Variants in FRMD7 observed in about 807,000 individuals in gnomAD.
The protein encoded by FRMD7 is FERM domain-containing protein 7.
Under a neutral mutation model 44.1 loss-of-function variants are expected in FRMD7, and 14 were observed. The observed-to-expected ratio is 0.32, with a 90% CI of 0.21 to 0.50. The LOEUF is 0.50. Ranked by LOEUF, FRMD7 falls within the 20% of genes least tolerant of loss-of-function variation. The pLI, the probability that FRMD7 is intolerant of heterozygous loss-of-function variation, is 0.99. For synonymous variants in FRMD7, 212 were observed against 187.4 expected (o/e 1.13, Z -1.07); for missense variants, 501 against 522.3 (o/e 0.96, Z 0.40).
At chrX:132,105,219 AGAAAAG>A (rs1465528210) in intron 1 of FRMD7, among the ~76,000 whole-genome samples, 1 of 112,025 alleles carries the variant, frequency 8.9e-6, no homozygotes, top group Non-Finnish European at 1.9e-5. Flanking sequence ...TCCATACTAA[AGAAAAG>A]GTCTTGACCC....
intron 1 of FRMD7, among the ~76,000 whole-genome samples, chrX:132,109,865 G>A (rs1224267766): frequency 9.0e-6 from 1 of 111,367 alleles, no homozygotes; most frequent in Non-Finnish European, 1.9e-5. Context: ...GAAACTGCAA[G>A]CAGTTTGGTG....
At chrX:132,118,189 T>G (rs1202977567) in intron 1 of FRMD7, among the ~76,000 whole-genome samples, 1 of 111,149 alleles carries the variant, frequency 9.0e-6, no homozygotes, top group African/African-American at 3.3e-5. Flanking sequence ...CGCATCTACT[T>G]TTAATTCCTG....
Position 132,078,741 on chromosome X carries a change from C to T in FRMD7, c.1276G>A (p.Glu426Lys). The T allele has an allele frequency of 3.3e-6, 4 of 1,210,179 alleles. No individual in the cohort carries two copies. The highest frequency in any genetic ancestry group is 4.5e-6 in the Non-Finnish European group (4 of 894,256). Reference sequence around the variant, plus strand: ...CTGGGATCAGGGTTAGGATTGGGCTCAGTGTTAAAGACAGGGTCCATATAA... The same window carrying T: ...CTGGGATCAGGGTTAGGATTGGGCTTAGTGTTAAAGACAGGGTCCATATAA... ...FIYMDPVFNTEPNPNPDPRDI... is the reference protein window; with the variant it reads ...FIYMDPVFNTKPNPNPDPRDI... The change falls in exon 12 of 12, where the codon GAG becomes AAG. Residue 426 changes from glutamate to lysine, a missense_variant. By Grantham distance (56) the Glu-to-Lys change is moderately conservative (BLOSUM62 1). This residue lies in a region of FRMD7 where 453 missense variants were observed against 452.7 expected (regional missense o/e 1.00). Transcript: ENST00000298542.
intron 1 of FRMD7, among the ~76,000 whole-genome samples, chrX:132,104,095 A>G (rs1928581414): frequency 8.9e-6 from 1 of 112,105 alleles, no homozygotes; most frequent in Admixed American, 9.4e-5. Flanking sequence ...TGTGAGGGTT[A>G]AATAAAATAA....
At chrX:132,107,744 C>T (rs1369124118) in intron 1 of FRMD7, among the ~76,000 whole-genome samples, 1 of 111,108 alleles carries the variant, frequency 9.0e-6, no homozygotes, top group African/African-American at 3.3e-5. Context: ...TAAATAAAGT[C>T]ACACTGAGGG....
At chrX:132,103,923 A>T (rs1353093862) in intron 1 of FRMD7, among the ~76,000 whole-genome samples, 1 of 111,730 alleles carries the variant, frequency 9.0e-6, no homozygotes, top group African/African-American at 3.3e-5. Flanking sequence ...GGATAAATGG[A>T]CCCAGACATT....
intron 1 of FRMD7, among the ~76,000 whole-genome samples, chrX:132,112,441 A>G (rs1220004595): frequency 1.8e-5 from 2 of 111,852 alleles, no homozygotes; most frequent in African/African-American, 6.5e-5. Context: ...GGACTCAGCA[A>G]TAAACCCTGG....
At position 132,084,561 on chromosome X, in the gene FRMD7, T is replaced by C. The variant is rs1442888853; in HGVS notation, c.670A>G (p.Asn224Asp). The C allele has an allele frequency of 8.6e-7, 1 of 1,160,792 alleles. No homozygotes were observed. The highest frequency in any genetic ancestry group is 1.2e-6 in the Non-Finnish European group (1 of 848,850). Reference protein sequence around the residue: ...LRGNTKINTFNWAKIRKLSFK... With the variant: ...LRGNTKINTFDWAKIRKLSFK... ...CTCAACTTGCGGATTTTAGCCCAGT[T>C]AAAAGTATTGATCTTTGTATTTCCC... Residue 224 changes from asparagine (N) to aspartate (D), a missense_variant, in exon 8 of 12, where the codon AAC becomes GAC. Physicochemically the swap from Asn to Asp is conservative, Grantham distance 23. Around this residue, in one of 3 missense-constraint regions of FRMD7, gnomAD observed 453 missense variants for 452.7 expected, o/e 1.00. Transcript: ENST00000298542.
intron 1 of FRMD7, among the ~76,000 whole-genome samples, chrX:132,118,238 A>G (rs1392383957): frequency 9.0e-6 from 1 of 111,100 alleles, no homozygotes; most frequent in East Asian, 2.8e-4. Context: ...CCTTGAGCTC[A>G]TATTTAACCT....
At chrX:132,089,882 T>A (rs1165214124) in intron 5 of FRMD7, among the ~76,000 whole-genome samples, 1 of 112,342 alleles carries the variant, frequency 8.9e-6, no homozygotes, top group Non-Finnish European at 1.9e-5. Context: ...ATTTCTAATG[T>A]TATTGTAACA....
chrX:132,126,430 G>A (rs766226139), intron 1 of FRMD7, among the ~76,000 whole-genome samples: 1 of 111,653 alleles, frequency 9.0e-6, no homozygotes, highest in South Asian at 3.8e-4. Context: ...TGGCTCTTCC[G>A]TAGGTGAATT....
intron 1 of FRMD7, among the ~76,000 whole-genome samples, chrX:132,107,611 G>C (rs6637941): frequency 2.0e-5 from 2 of 97,926 alleles, no homozygotes; most frequent in Admixed American, 1.0e-4. Flanking sequence ...GGTGGAGAGA[G>C]AGAGAGAGAG....
intron 1 of FRMD7, among the ~76,000 whole-genome samples, chrX:132,117,951 G>T (rs1165174279): frequency 8.9e-6 from 1 of 111,753 alleles, no homozygotes; most frequent in Non-Finnish European, 1.9e-5. Flanking sequence ...TACATTTTTG[G>T]TTGTCTTATT....
chrX:132,116,075 C>T (rs1287181176), intron 1 of FRMD7, among the ~76,000 whole-genome samples: 1 of 111,970 alleles, frequency 8.9e-6, no homozygotes, highest in African/African-American at 3.3e-5. Context: ...CCACACCCCT[C>T]CCGACTTAAC....
Position 132,078,759 on chromosome X carries a change from C to T in FRMD7, c.1258G>A (p.Asp420Asn). The change falls in exon 12 of 12, where the codon GAC (aspartate) becomes AAC (asparagine). Residue 420 changes from aspartate (D) to asparagine (N), a missense_variant. This residue lies in a region of FRMD7 where 453 missense variants were observed against 452.7 expected (regional missense o/e 1.00). Transcript: ENST00000298542. Reference sequence around the variant, plus strand: ...TTGGGCTCAGTGTTAAAGACAGGGTCCATATAAATAAAAGGGAAAGAGGAA... The same window carrying T: ...TTGGGCTCAGTGTTAAAGACAGGGTTCATATAAATAAAAGGGAAAGAGGAA... ...SSSSFPFIYM[D>N]PVFNTEPNPN... is the part of the protein sequence containing the mutation. 8.3e-7 allele frequency: 1 copy of T among 1,210,717 alleles called. No individual in the cohort carries two copies. The highest frequency in any genetic ancestry group is 1.7e-5 in the African/African-American group (1 of 57,621).
Position 132,077,415 on chromosome X carries a change from G to T in FRMD7, c.*457C>A, listed in dbSNP as rs1927637838. The T allele has an allele frequency of 7.4e-6, 1 of 134,472 alleles. No homozygotes were observed. The highest frequency in any genetic ancestry group is 3.2e-5 in the African/African-American group (1 of 31,250). 11.1% of individuals were successfully genotyped at this position (134,472 alleles called of 1,213,427 possible). ...CATATTACAAGACCATTTCTACTGGGCCCCACACAAATAGTAAAGACTGAA... is the reference window on the plus strand; with the variant it reads ...CATATTACAAGACCATTTCTACTGGTCCCCACACAAATAGTAAAGACTGAA... On this transcript the variant is annotated 3_prime_UTR_variant, in exon 12 of 12. Transcript: ENST00000298542.
intron 4 of FRMD7, 135 bp from the exon 5 acceptor site, chrX:132,094,274 G>GAGTAATGCAT (rs1928266059): frequency 2.0e-6 from 1 of 495,668 alleles, no homozygotes; most frequent in Admixed American, 2.7e-5. Flanking sequence ...TGGGGGTGGT[G>GAGTAATGCAT]AGTAATGCAT....
intron 8 of FRMD7, among the ~76,000 whole-genome samples, chrX:132,083,559 A>T (rs1927889944): frequency 8.9e-6 from 1 of 111,936 alleles, no homozygotes; most frequent in Admixed American, 9.5e-5. Flanking sequence ...CTGCTCAATG[A>T]ACACTTTTCT....
intron 8 of FRMD7, among the ~76,000 whole-genome samples, chrX:132,083,119 T>A (rs1927872772): frequency 9.0e-6 from 1 of 111,043 alleles, no homozygotes; most frequent in Admixed American, 9.6e-5. Context: ...CCCGCTTAAT[T>A]TCTTTGTAGT....
Sources: gnomAD v4.1 joint callset for allele counts (sites outside exome capture counted in the v4.1 genomes callset) on GRCh38, gnomAD v4.1.1 for gene constraint, gnomAD v4.1.1 regional missense constraint, MANE v1.5 for transcripts, NCBI Gene and HGNC (gene_info 2026-07-23, HGNC 2026-07-21) for gene names.